CPA6: variants seen among roughly 807,000 people sequenced by gnomAD.
CPA6 encodes carboxypeptidase B.
In CPA6, 58 loss-of-function variants were observed where a neutral mutation model predicts 63.3. The observed-to-expected ratio is 0.92, with a 90% CI of 0.74 to 1.14. CPA6 has a LOEUF of 1.14. Among genes scored for constraint, CPA6 ranks in the 50% most tolerant of loss-of-function variants. The pLI is 0.00. For missense variants in CPA6, 565 were observed against 526.6 expected (o/e 1.07, Z -0.71); for synonymous variants, 185 against 179.0 (o/e 1.03, Z -0.27).
intron 6 of CPA6, among the ~76,000 whole-genome samples, chr8:67,498,467 C>G (rs1811766203): frequency 7.4e-6 from 1 of 135,590 alleles, no homozygotes; most frequent in African/African-American, 2.8e-5. Flanking sequence ...ACCTGGAAGG[C>G]AGAGGTTGCA....
At chr8:67,430,336 C>T (rs775612964) in intron 9 of CPA6, among the ~76,000 whole-genome samples, 6 of 151,724 alleles carry the variant, frequency 4.0e-5, no homozygotes, top group Non-Finnish European at 7.4e-5. Context: ...CCCGCGACCA[C>T]GCCTGGCTAA....
At chr8:67,556,282 A>G (rs976494215) in intron 2 of CPA6, among the ~76,000 whole-genome samples, 33 of 151,856 alleles carry the variant, frequency 2.2e-4, no homozygotes, top group Admixed American at 5.9e-4. Flanking sequence ...TTGGGGCTGG[A>G]GTCCCTACAG....
At chr8:67,745,051 A>T (rs1320037725) in intron 1 of CPA6, among the ~76,000 whole-genome samples, 1 of 152,202 alleles carries the variant, frequency 6.6e-6, no homozygotes, top group Non-Finnish European at 1.5e-5. Flanking sequence ...CACTATTTCT[A>T]AAAAGAACAA....
rs373386380 is a variant in CPA6, at chr8:67,618,877, A to G, written c.192+5299T>C. Among the ~76,000 whole-genome samples, 10 of 152,278 alleles carry G rather than the reference A, an allele frequency of 6.6e-5. 1 individual carries two copies. The highest frequency in any genetic ancestry group is 2.6e-4 in the Admixed American group (4 of 15,302). ...ACCTGCAGACTGTTCCCATTCCATC[A>G]TAACTTTATTTAAATCATGGTTATG... On this transcript the variant is annotated intron_variant, in intron 2 of 10. Coordinates refer to ENST00000297770, the MANE Select transcript of CPA6 (RefSeq NM_020361.5).
chr8:67,555,337 C>T (rs1008141818), intron 2 of CPA6, among the ~76,000 whole-genome samples: 15 of 152,026 alleles, frequency 9.9e-5, no homozygotes, highest in African/African-American at 3.4e-4. Context: ...CATCGATGGC[C>T]AATGATTTAA....
chr8:67,714,539 AG>A (rs946886143), intron 1 of CPA6, among the ~76,000 whole-genome samples: 9 of 152,214 alleles, frequency 5.9e-5, no homozygotes, highest in Non-Finnish European at 1.2e-4. Context: ...TCTCTAGAAA[AG>A]TTAAAAAAAA....
chr8:67,519,679 C>G (rs758488233), intron 2 of CPA6, among the ~76,000 whole-genome samples: 1 of 152,176 alleles, frequency 6.6e-6, no homozygotes, highest in South Asian at 2.1e-4. Context: ...CAACAATCAG[C>G]GCACAACGGA....
intron 6 of CPA6, among the ~76,000 whole-genome samples, chr8:67,485,187 C>T (rs1175779672): frequency 6.6e-6 from 1 of 152,174 alleles, no homozygotes; most frequent in Non-Finnish European, 1.5e-5. Flanking sequence ...ATAGCACAGA[C>T]CAGCTGCATG....
At chr8:67,491,084 C>A (rs1011056454) in intron 6 of CPA6, among the ~76,000 whole-genome samples, 1 of 152,072 alleles carries the variant, frequency 6.6e-6, no homozygotes, top group African/African-American at 2.4e-5. Context: ...TGAAGACCAG[C>A]CTCAACTGGA....
intron 8 of CPA6, among the ~76,000 whole-genome samples, chr8:67,455,699 T>C (rs1265734869): frequency 3.7e-5 from 2 of 54,390 alleles, no homozygotes; most frequent in African/African-American, 1.7e-4. Context: ...AAAAAGAAAA[T>C]GATTGCCAAG....
intron 10 of CPA6, 149 bp downstream of exon 10, chr8:67,427,898 T>C (rs1352920376): frequency 3.4e-6 from 2 of 593,326 alleles, no homozygotes; most frequent in Non-Finnish European, 6.0e-6. Context: ...ACGAATCAGA[T>C]ATAAACTCCT....
intron 2 of CPA6, among the ~76,000 whole-genome samples, chr8:67,561,432 A>T (rs1315681488): frequency 1.3e-5 from 2 of 152,198 alleles, no homozygotes; most frequent in Admixed American, 6.5e-5. Flanking sequence ...AAAACATAGC[A>T]TGATTTTCTT....
chr8:67,648,821 G>T (rs1486826174), intron 1 of CPA6, among the ~76,000 whole-genome samples: 2 of 152,184 alleles, frequency 1.3e-5, no homozygotes, highest in African/African-American at 4.8e-5. Context: ...CCAAAAATAA[G>T]AGTTGGTTGA....
At chr8:67,480,677 G>GTA (rs201181578) in intron 8 of CPA6, among the ~76,000 whole-genome samples, 82 of 150,332 alleles carry the variant, frequency 5.5e-4, no homozygotes, top group East Asian at 1.4e-3. Flanking sequence ...TTTCTCTTGG[G>GTA]TATATATATA....
At chr8:67,613,905 G>T (rs368499175) in intron 2 of CPA6, among the ~76,000 whole-genome samples, 2 of 152,122 alleles carry the variant, frequency 1.3e-5, no homozygotes, top group Non-Finnish European at 2.9e-5. Context: ...AGACGAGGAG[G>T]AACATCTGAA....
At chr8:67,724,940 G>A (rs1219687628) in intron 1 of CPA6, among the ~76,000 whole-genome samples, 1 of 152,180 alleles carries the variant, frequency 6.6e-6, no homozygotes, top group African/African-American at 2.4e-5. Context: ...TTCCTTCTGA[G>A]TTGTTAGCAT....
intron 8 of CPA6, among the ~76,000 whole-genome samples, chr8:67,479,652 T>C (rs1811316044): frequency 6.6e-6 from 1 of 152,248 alleles, no homozygotes; most frequent in African/African-American, 2.4e-5. Context: ...CAATCCGCTA[T>C]AGGCATTTTT....
intron 2 of CPA6, among the ~76,000 whole-genome samples, chr8:67,601,699 G>C (rs545501430): frequency 6.6e-6 from 1 of 152,058 alleles, no homozygotes. Flanking sequence ...GGTCTATTTT[G>C]TCTCTGAGTT....
intron 8 of CPA6, among the ~76,000 whole-genome samples, chr8:67,436,863 C>T (rs1810168787): frequency 6.6e-6 from 1 of 152,168 alleles, no homozygotes; most frequent in Admixed American, 6.5e-5. Context: ...ATAATTCTCT[C>T]CATAAACTAG....
Sources: gnomAD v4.1 joint callset for allele counts (sites outside exome capture counted in the v4.1 genomes callset) on GRCh38, gnomAD v4.1.1 for gene constraint, MANE v1.5 for transcripts, NCBI Gene and HGNC (gene_info 2026-07-23, HGNC 2026-07-21) for gene names.